Variants in KCNQ2 observed in about 807,000 individuals in gnomAD.
The protein encoded by KCNQ2 is potassium voltage-gated channel subfamily KQT member 2.
A neutral mutation model predicts 84.8 loss-of-function variants in KCNQ2; 14 were observed. The ratio of observed to expected loss-of-function variants is 0.17; its 90% CI spans 0.11 to 0.26. KCNQ2 has a LOEUF of 0.26. Ranked by LOEUF, KCNQ2 falls within the 10% of genes least tolerant of loss-of-function variation. The pLI, the probability that KCNQ2 is intolerant of heterozygous loss-of-function variation, is 1.00. For missense variants in KCNQ2, 788 were observed against 1,254.0 expected, an observed-to-expected ratio of 0.63 and a Z score of 5.61; for synonymous variants, 599 against 554.1, an observed-to-expected ratio of 1.08 and a Z score of -1.14.
chr20:63,432,009 CCCATCCACAGGGAAGGCT>C (rs2080811420), intron 8 of KCNQ2, among the ~76,000 whole-genome samples: 2 of 142,608 alleles, frequency 1.4e-5, no homozygotes, highest in Non-Finnish European at 1.5e-5. Context: ...CAGGGAAGGC[CCCATCCACAGGGAAGGCT>C]CCACCCTCAG....
intron 15 of KCNQ2, among the ~76,000 whole-genome samples, chr20:63,412,766 G>A (rs1415159156): frequency 1.3e-5 from 2 of 152,230 alleles, no homozygotes; most frequent in African/African-American, 2.4e-5. Context: ...GGGAGAGGGA[G>A]GGGACCCTGA....
Position 63,400,667 on chromosome 20 carries a change from A to G in KCNQ2, c.*5977T>C, listed in dbSNP as rs1470711527. 2.5e-6 allele frequency: 1 copy of G among 398,566 alleles called. No homozygotes were observed. The highest frequency in any genetic ancestry group is 4.4e-6 in the Non-Finnish European group (1 of 226,082). The allele number at this position is 398,566 out of a possible 1,614,324, so 24.7% of individuals were successfully genotyped here. On this transcript the variant is annotated 3_prime_UTR_variant, in exon 17 of 17. Transcript: ENST00000359125. This position sits in a 1 kb window ranked among gnomAD's most constrained non-coding sequence, Gnocchi z 8.7. The stretch of plus-strand genomic sequence containing the variant: ...AAATGGGGAAGCTGCAGCCACCGTC[A>G]CGGCCAGAGGATGGCAGACTGCAAT...
rs3746361 is a variant in KCNQ2, at chr20:63,407,570, G to T, written c.1888-195C>A. Among the ~76,000 whole-genome samples the T allele has an allele frequency of 1.2e-4, 18 of 148,852 alleles. 2 individuals carry two copies. In the South Asian group the frequency reaches 3.2e-3, roughly 26 times the overall value. Reference sequence around the variant, plus strand: ...CCGGGCTGCTCCCAGGAAATGGGGGGGCCCAGGCTGGTTCCAGGAAACAGG... The same window carrying T: ...CCGGGCTGCTCCCAGGAAATGGGGGTGCCCAGGCTGGTTCCAGGAAACAGG... On this transcript the variant is annotated intron_variant, in intron 16 of 16. Coordinates refer to ENST00000359125, the MANE Select transcript of KCNQ2 (RefSeq NM_172107.4). This position sits in a 1 kb window ranked among gnomAD's most constrained non-coding sequence, Gnocchi z 7.2.
rs2081369479 is a variant in KCNQ2, at chr20:63,444,962, T to G, written c.515-128A>C. ...GAAGGTGTATGCCCAGCGCCTGGTG[T>G]GGGCTCTGTCAGGCCCCAGGAAGGA... On this transcript the variant is annotated intron_variant, in intron 3 of 16. Coordinates refer to ENST00000359125, the MANE Select transcript of KCNQ2 (RefSeq NM_172107.4). 19 of 1,138,056 alleles carry G rather than the reference T, an allele frequency of 1.7e-5. No homozygotes were observed. In the East Asian group the frequency reaches 4.7e-4, roughly 28 times the overall value. 70.5% of individuals were successfully genotyped at this position (1,138,056 alleles called of 1,614,324 possible).
Position 63,431,361 on chromosome 20 carries a change from G to A in KCNQ2, c.1127C>T (p.Thr376Ile). ...CTACCTGGAGGCCCCGTAGGTTTGA[G>A]TTTGCGAACTTTCAAGTGTTTCCAC... Reference protein sequence around the residue: ...TVTVPMYSSQTQTYGASRLIP... With the variant: ...TVTVPMYSSQIQTYGASRLIP... Residue 376 changes from threonine to isoleucine, a missense_variant, in exon 9 of 17, where the codon ACT (threonine) becomes ATT (isoleucine). Physicochemically the swap from Thr to Ile is moderately conservative, Grantham distance 89. Around this residue, in one of 8 missense-constraint regions of KCNQ2, gnomAD observed 202 missense variants for 239.4 expected, o/e 0.84. Transcript: ENST00000359125. The A allele has an allele frequency of 1.9e-6, 3 of 1,613,814 alleles. No individual in the cohort carries two copies. Among genetic ancestry groups the A allele is most frequent in the Non-Finnish European group, 2.5e-6 (3 of 1,179,920 alleles).
intron 1 of KCNQ2, chr20:63,459,923 C>T (rs1003161093): frequency 2.0e-5 from 3 of 152,012 alleles, no homozygotes; most frequent in Non-Finnish European, 4.4e-5. Context: ...CACCTTGTCC[C>T]CTCCAGACTC....
In KCNQ2 at chr20:63,460,394, G is replaced by A. The variant is rs1396734997; in HGVS notation, c.296+11774C>T. On this transcript the variant is annotated intron_variant, in intron 1 of 16. Transcript: ENST00000359125. This position sits in a 1 kb window ranked among gnomAD's most constrained non-coding sequence, Gnocchi z 5.4. ...TCAGCCCCACCCGAAACCCATTCAG[G>A]TGCTGAGGGCACCCCAACAGTGGCA... Among the ~76,000 whole-genome samples the A allele has an allele frequency of 1.3e-5, 2 of 152,036 alleles. No individual in the cohort carries two copies. Among genetic ancestry groups the A allele is most frequent in the East Asian group, 1.9e-4 (1 of 5,166 alleles).
intron 1 of KCNQ2, among the ~76,000 whole-genome samples, chr20:63,467,668 T>C (rs2082115792): frequency 6.6e-6 from 1 of 152,208 alleles, no homozygotes; most frequent in Non-Finnish European, 1.5e-5. Flanking sequence ...ATTTGTTTAT[T>C]GACTAAAACA....
chr20:63,464,993 G>T (rs1029616999), intron 1 of KCNQ2, among the ~76,000 whole-genome samples: 1 of 152,232 alleles, frequency 6.6e-6, no homozygotes, highest in African/African-American at 2.4e-5. Flanking sequence ...CTCACCAAGG[G>T]CACGCTATTT....
rs775177900 is a variant in KCNQ2 at position 63,408,966 on chromosome 20, C to T, written c.1764-430G>A. 6.6e-6 allele frequency among the ~76,000 whole-genome samples: 1 copy of T among 152,254 alleles called. No homozygotes were observed. Among genetic ancestry groups the T allele is most frequent in the Non-Finnish European group, 1.5e-5 (1 of 68,046 alleles). ...CTGGAGCCCACTCCAGAGGATGCCC[C>T]TCCCCCTACCCGTGCCCACCCCGGA... On this transcript the variant is annotated intron_variant, in intron 15 of 16. Coordinates refer to ENST00000359125, the MANE Select transcript of KCNQ2 (RefSeq NM_172107.4). This position sits in a 1 kb window ranked among gnomAD's most constrained non-coding sequence, Gnocchi z 5.0.
At chr20:63,437,970 C>T (rs201016752) in intron 7 of KCNQ2, among the ~76,000 whole-genome samples, 3 of 152,182 alleles carry the variant, frequency 2.0e-5, no homozygotes, top group South Asian at 2.1e-4. Context: ...CCACCACGCC[C>T]AGCTAATTTT....
chr20:63,406,541 C>T lies in KCNQ2; in HGVS notation c.*103G>A. On this transcript the variant is annotated 3_prime_UTR_variant, in exon 17 of 17. Coordinates refer to ENST00000359125, the MANE Select transcript of KCNQ2 (RefSeq NM_172107.4). The stretch of plus-strand genomic sequence containing the variant: ...TCCAGGGCCCACCCTTCCCGCCACA[C>T]TCAGTTACTGTAAGAAAAGGGCCCC... The T allele has an allele frequency of 2.2e-6, 3 of 1,356,604 alleles. No individual in the cohort carries two copies. Among genetic ancestry groups the T allele is most frequent in the South Asian group, 1.5e-5 (1 of 66,344 alleles). The allele number at this position is 1,356,604 out of a possible 1,614,324, so 84.0% of individuals were successfully genotyped here.
chr20:63,450,703 C>T (rs1046095631), intron 1 of KCNQ2, among the ~76,000 whole-genome samples: 5 of 151,264 alleles, frequency 3.3e-5, no homozygotes, highest in Admixed American at 3.3e-4. Flanking sequence ...GCCGAGGCTG[C>T]GGGGGCTTGG....
Position 63,446,954 on chromosome 20 carries a change from G to A in KCNQ2, c.297-117C>T, listed in dbSNP as rs563905723. ...GCCGCAGCAGGGCACCAGCATGGCC[G>A]CGTCTCCAGAACGCAGGACCCCACT... On this transcript the variant is annotated intron_variant, in intron 1 of 16. Transcript: ENST00000359125. This position sits in a 1 kb window ranked among gnomAD's most constrained non-coding sequence, Gnocchi z 5.5. The A allele has an allele frequency of 1.1e-4, 104 of 915,698 alleles. 1 individual carries two copies. The highest frequency in any genetic ancestry group is 1.1e-3 in the South Asian group (85 of 75,010). The allele number at this position is 915,698 out of a possible 1,614,324, so 56.7% of individuals were successfully genotyped here.
In KCNQ2 at chr20:63,402,040, A is replaced by G. The variant is rs60184753; in HGVS notation, c.*4604T>C. ...TCCATGGCAGGTCCAAGCCCTGTGAACCATCCCTCTCACACCACGTCTGCC... is the reference window on the plus strand; with the variant it reads ...TCCATGGCAGGTCCAAGCCCTGTGAGCCATCCCTCTCACACCACGTCTGCC... On this transcript the variant is annotated 3_prime_UTR_variant, in exon 17 of 17. Transcript: ENST00000359125. 6.4e-5 allele frequency: 7 copies of G among 109,350 alleles called. No homozygotes were observed. Among genetic ancestry groups the G allele is most frequent in the Admixed American group, 1.1e-4 (1 of 9,030 alleles). The allele number at this position is 109,350 out of a possible 1,614,324, so 6.8% of individuals were successfully genotyped here. A position where few individuals can be genotyped will look rare whatever the true frequency, so the allele number is the denominator to read the frequency against.
intron 1 of KCNQ2, 21 bp downstream of exon 1, chr20:63,472,147 G>A: frequency 2.0e-6 from 3 of 1,478,484 alleles, no homozygotes; most frequent in Non-Finnish European, 2.7e-6. Context: ...GGTCGCCACG[G>A]GGGCCCCGCC....
chr20:63,453,121 G>A (rs904697949), intron 1 of KCNQ2, among the ~76,000 whole-genome samples: 3 of 150,752 alleles, frequency 2.0e-5, no homozygotes, highest in African/African-American at 2.5e-5. Flanking sequence ...CTGCCGCCCC[G>A]CGGTGGACGT....
intron 7 of KCNQ2, chr20:63,434,248 A>G: frequency 3.2e-6 from 1 of 308,796 alleles, no homozygotes; most frequent in Non-Finnish European, 6.0e-6. Context: ...CCTGGGGGTT[A>G]CCTTCCTGAC....
At chr20:63,443,277 TC>T (rs2081293830) in intron 4 of KCNQ2, among the ~76,000 whole-genome samples, 2 of 13,380 alleles carry the variant, frequency 1.5e-4, no homozygotes, top group African/African-American at 6.3e-4. Flanking sequence ...ATCACCACCA[TC>T]ACCATCACCA....
Sources: allele counts gnomAD v4.1 joint callset (sites outside exome capture counted in the v4.1 genomes callset), GRCh38; gene constraint gnomAD v4.1.1; regional missense constraint gnomAD v4.1.1; non-coding constraint Gnocchi (gnomAD v3.1); transcripts MANE v1.5; gene names NCBI Gene and HGNC (gene_info 2026-07-23, HGNC 2026-07-21).